The following DNAH17 variants were observed in gnomAD, a reference collection of about 807,000 sequenced individuals.
DNAH17 encodes axonemal beta dynein heavy chain 17.
In DNAH17, 376 loss-of-function variants were observed where a neutral mutation model predicts 485.6. That is an observed-to-expected ratio of 0.77 (90% CI 0.71 to 0.84). DNAH17 has a LOEUF of 0.84. DNAH17 is among the 40% of genes least tolerant of loss of function. The pLI is 0.00. For missense variants in DNAH17, 6,370 were observed against 5,839.3 expected (o/e 1.09, Z -2.96); for synonymous variants, 3,031 against 2,405.9 (o/e 1.26, Z -7.60).
rs1327714736 is a variant in DNAH17 at position 78,571,344 on chromosome 17, A to G, written c.767T>C (p.Ile256Thr). The G allele has an allele frequency of 1.2e-6, 2 of 1,613,770 alleles. No individual in the cohort carries two copies. The highest frequency in any genetic ancestry group is 1.6e-4 in the Middle Eastern group (1 of 6,080). ...NRPKVNKIVEILEKAKSCYWP... is the reference protein window; with the variant it reads ...NRPKVNKIVETLEKAKSCYWP... ...GTAGCAGCTTTTGGCTTTCTCTAGG[A>G]TCTCAACAATCTTGTTCACTTTGGG... is the stretch of plus-strand genomic sequence containing the variant. The change falls in exon 5 of 81, where the codon ATC (isoleucine) becomes ACC (threonine). Residue 256 changes from isoleucine to threonine, a missense_variant. Transcript: ENST00000389840.
At chr17:78,431,154 C>T (rs2086656837) in intron 75 of DNAH17, among the ~76,000 whole-genome samples, 1 of 151,930 alleles carries the variant, frequency 6.6e-6, no homozygotes, top group African/African-American at 2.4e-5. Context: ...GCTGGGATTA[C>T]AGGCTTGGGC....
In DNAH17 at chr17:78,437,698, G is replaced by A. The variant is rs1339463430; in HGVS notation, c.11976C>T (p.Asn3992=). 6 of 1,612,252 alleles carry A rather than the reference G, an allele frequency of 3.7e-6. No homozygotes were observed. Among genetic ancestry groups the A allele is most frequent in the East Asian group, 2.2e-5 (1 of 44,870 alleles). The change falls in exon 74 of 81, where the codon AAC becomes AAT. Residue 3992 remains asparagine (N), a synonymous_variant. Coordinates refer to ENST00000389840, the MANE Select transcript of DNAH17 (RefSeq NM_173628.4). Reference sequence around the variant, plus strand: ...TGGCGTGCATGCCCGTGGGGGGCTCGTTGGTGATCTTGATGGCGTTCTCCA... The same window carrying A: ...TGGCGTGCATGCCCGTGGGGGGCTCATTGGTGATCTTGATGGCGTTCTCCA... The part of the protein sequence containing the change: ...GILENAIKIT[N]EPPTGMHANL...
At chr17:78,510,667 G>T in intron 26 of DNAH17, 161 bp from the exon 27 acceptor site, 2 of 908,596 alleles carry the variant, frequency 2.2e-6, no homozygotes, top group Non-Finnish European at 3.3e-6. Context: ...TCTGAGACTT[G>T]AGGAAGTGAC....
In DNAH17 at chr17:78,495,956, G is replaced by A; in HGVS notation, c.5822C>T (p.Pro1941Leu). The A allele has an allele frequency of 2.5e-6, 4 of 1,613,954 alleles. No homozygotes were observed. The highest frequency in any genetic ancestry group is 3.4e-6 in the Non-Finnish European group (4 of 1,179,864). ...NFLGEIIGLI[P>L]TVGIFITMNP... Reference sequence around the variant, plus strand: ...CATGGTGATGAAGATACCGACGGTGGGAATGAGGCCTATGATCTCTCCCAG... The same window carrying A: ...CATGGTGATGAAGATACCGACGGTGAGAATGAGGCCTATGATCTCTCCCAG... The change falls in exon 38 of 81, where the codon CCC becomes CTC. Residue 1941 changes from proline to leucine, a missense_variant. By Grantham distance (98) the Pro-to-Leu change is moderately conservative. Transcript: ENST00000389840.
At position 78,429,124 on chromosome 17, in the gene DNAH17, GT is replaced by G; in HGVS notation, c.12401del (p.Tyr4134SerfsTer31). On this transcript the variant is annotated frameshift_variant, in exon 76 of 81. Transcript: ENST00000389840. LOFTEE classifies it high-confidence loss of function. ...CTGTTTAACTTGTCATCCTTACCTT[GT>G]AGTCCAGGTTGGGGGGGATCTGAAA... The part of the protein sequence containing the change: ...PGFQIPPNLD[Y>X]KGYHEYIDEN... 6.2e-7 allele frequency: 1 copy of G among 1,612,868 alleles called. No homozygotes were observed. Among genetic ancestry groups the G allele is most frequent in the Non-Finnish European group, 8.5e-7 (1 of 1,179,420 alleles).
In DNAH17 at chr17:78,560,900, T is replaced by A. The variant is rs61742179; in HGVS notation, c.1871A>T (p.Gln624Leu). The change falls in exon 13 of 81, where the codon CAG becomes CTG. Residue 624 changes from glutamine to leucine, a missense_variant. Physicochemically the swap from Gln to Leu is moderately radical, Grantham distance 113. Coordinates refer to ENST00000389840, the MANE Select transcript of DNAH17 (RefSeq NM_173628.4). Reference sequence around the variant, plus strand: ...CAGCTCCATCATCTCGTCATACTTCTGATAGGTCAGCTTGGCCTCTGCTCC... The same window carrying A: ...CAGCTCCATCATCTCGTCATACTTCAGATAGGTCAGCTTGGCCTCTGCTCC... Reference protein sequence around the residue: ...MSGAEAKLTYQKYDEMMELLR... With the variant: ...MSGAEAKLTYLKYDEMMELLR... 3 of 1,551,092 alleles carry A rather than the reference T, an allele frequency of 1.9e-6. No homozygotes were observed. The African/African-American group carries it at 4.1e-5, about 21-fold the overall frequency.
chr17:78,426,594 G>C lies in DNAH17; in HGVS notation c.12778C>G (p.Leu4260Val), dbSNP rs761981703. 5.6e-6 allele frequency: 9 copies of C among 1,607,416 alleles called. No homozygotes were observed. In the East Asian group the frequency reaches 2.0e-4, roughly 36 times the overall value. Reference protein sequence around the residue: ...KELNLGLKGELTITTDVEDLS... With the variant: ...KELNLGLKGEVTITTDVEDLS... ...TCTTCCACGTCGGTCGTGATGGTCA[G>C]TTCTCCCTAGGAGACACACAGATGG... Residue 4260 changes from leucine (L) to valine (V), a missense_variant, in exon 79 of 81, where the codon CTG (leucine) becomes GTG (valine). Transcript: ENST00000389840.
At chr17:78,570,406 G>A (rs376700580) in intron 6 of DNAH17, 34 bp from the exon 7 acceptor site, 17 of 1,598,138 alleles carry the variant, frequency 1.1e-5, no homozygotes, top group Non-Finnish European at 1.4e-5. Context: ...CACTGGAGGG[G>A]ACTGGCCGCT....
intron 54 of DNAH17, among the ~76,000 whole-genome samples, chr17:78,473,012 T>C (rs2088837005): frequency 6.6e-6 from 1 of 152,184 alleles, no homozygotes; most frequent in Non-Finnish European, 1.5e-5. Flanking sequence ...CCTCCACCCC[T>C]TTCCTGTGCA....
At chr17:78,560,474 C>CCG (rs1262943398) in intron 13 of DNAH17, among the ~76,000 whole-genome samples, 1 of 150,770 alleles carries the variant, frequency 6.6e-6, no homozygotes, top group Non-Finnish European at 1.5e-5. Flanking sequence ...TCGGCAAAGA[C>CCG]TTTTTCCCCC....
intron 71 of DNAH17, among the ~76,000 whole-genome samples, chr17:78,442,769 G>A (rs955395795): frequency 6.6e-6 from 1 of 151,288 alleles, no homozygotes; most frequent in Non-Finnish European, 1.5e-5. Flanking sequence ...CATGGAAATT[G>A]GCACATGCTG....
intron 5 of DNAH17, 98 bp from the exon 6 acceptor site, chr17:78,571,131 G>T (rs2092351607): frequency 1.5e-6 from 2 of 1,303,364 alleles, no homozygotes; most frequent in Non-Finnish European, 2.2e-6. Flanking sequence ...GCTCCTTCAG[G>T]AAATGGGGCC....
intron 69 of DNAH17, among the ~76,000 whole-genome samples, chr17:78,446,843 C>T (rs1006410781): frequency 2.0e-5 from 3 of 152,126 alleles, no homozygotes; most frequent in East Asian, 1.9e-4. Context: ...AGGGTTTCAC[C>T]GTGTTGGCCA....
Position 78,470,033 on chromosome 17 carries a change from C to T in DNAH17, c.8512-1150G>A, listed in dbSNP as rs552804788. The stretch of plus-strand genomic sequence containing the variant: ...ACAGTGTGAATGTGCTTCATGCCAC[C>T]GAACTAGATGTTAAAAGTGGTGAAA... On this transcript the variant is annotated intron_variant, in intron 54 of 80. Transcript: ENST00000389840. Among the ~76,000 whole-genome samples, 10 of 149,234 alleles carry T rather than the reference C, an allele frequency of 6.7e-5. 1 individual carries two copies. Among genetic ancestry groups the T allele is most frequent in the African/African-American group, 9.9e-5 (4 of 40,338 alleles).
At chr17:78,530,265 C>T in intron 21 of DNAH17, 78 bp downstream of exon 21, 1 of 1,457,728 alleles carries the variant, frequency 6.9e-7, no homozygotes, top group Non-Finnish European at 9.1e-7. Context: ...TGACAAATGC[C>T]ACCCACTCAA....
rs568988773 is a variant in DNAH17, at chr17:78,502,443, G to A, written c.5190+148C>T. 4.6e-5 allele frequency: 32 copies of A among 698,818 alleles called. No homozygotes were observed. In the African/African-American group the frequency reaches 5.2e-4, roughly 11 times the overall value. The allele number at this position is 698,818 out of a possible 1,614,324, so 43.3% of individuals were successfully genotyped here. On this transcript the variant is annotated intron_variant, in intron 33 of 80. Transcript: ENST00000389840. ...GTGGTGCGTGGCTGTTATTTGGCCTGTGGAAACGACGGTTTTGCGGGGCTC... is the reference window on the plus strand; with the variant it reads ...GTGGTGCGTGGCTGTTATTTGGCCTATGGAAACGACGGTTTTGCGGGGCTC...
intron 74 of DNAH17, among the ~76,000 whole-genome samples, chr17:78,436,470 C>A (rs2086853155): frequency 1.3e-5 from 2 of 151,962 alleles, no homozygotes; most frequent in African/African-American, 4.8e-5. Context: ...TTCTAGGCTC[C>A]ACTTGGGAGA....
Position 78,561,703 on chromosome 17 carries a change from G to T in DNAH17, c.1835+12C>A, listed in dbSNP as rs1189032309. On this transcript the variant is annotated intron_variant, in intron 12 of 80. Coordinates refer to ENST00000389840, the MANE Select transcript of DNAH17 (RefSeq NM_173628.4). ...GGCGGGGTGCCTGCCCCTGCCCAGG[G>T]CTGTGACTCACGGGTGTTCGACGTG... 1.3e-6 allele frequency: 2 copies of T among 1,595,460 alleles called. No homozygotes were observed. Among genetic ancestry groups the T allele is most frequent in the East Asian group, 2.2e-5 (1 of 44,528 alleles).
At chr17:78,544,955 TC>T (rs2091717006) in intron 16 of DNAH17, among the ~76,000 whole-genome samples, 1 of 152,138 alleles carries the variant, frequency 6.6e-6, no homozygotes, top group Non-Finnish European at 1.5e-5. Context: ...GTTTTTTTTG[TC>T]AAAAAACAGT....
Sources: allele counts gnomAD v4.1 joint callset (sites outside exome capture counted in the v4.1 genomes callset), GRCh38; gene constraint gnomAD v4.1.1; transcripts MANE v1.5; gene names NCBI Gene and HGNC (gene_info 2026-07-23, HGNC 2026-07-21).